The following S1PR2 variants were observed in gnomAD, a reference collection of about 807,000 sequenced individuals.
The protein encoded by S1PR2 is sphingosine 1-phosphate receptor 2.
S1PR2 carries 9 observed loss-of-function variants against 16.1 expected under a neutral mutation model. The ratio of observed to expected loss-of-function variants is 0.56; its 90% confidence interval spans 0.34 to 0.98. S1PR2 has a LOEUF of 0.98. S1PR2 is among the 50% of genes least tolerant of loss of function. The pLI, the probability that S1PR2 is intolerant of heterozygous loss-of-function variation, is 0.02. For synonymous variants in S1PR2, 224 were observed against 233.9 expected (o/e 0.96, Z 0.38); for missense variants, 361 against 488.4 (o/e 0.74, Z 2.46).
intron 1 of S1PR2, among the ~76,000 whole-genome samples, chr19:10,230,132 C>G (rs2039661432): frequency 6.6e-6 from 1 of 152,386 alleles, no homozygotes; most frequent in East Asian, 1.9e-4. Context: ...CCACCATCAA[C>G]CAGGCAAAGC....
intron 1 of S1PR2, among the ~76,000 whole-genome samples, chr19:10,228,885 G>C (rs2039652178): frequency 6.6e-6 from 1 of 152,168 alleles, no homozygotes; most frequent in African/African-American, 2.4e-5. Context: ...GAGAGGGGAA[G>C]GATGGAGGAA....
chr19:10,227,154 G>T (rs1258582954), intron 1 of S1PR2, among the ~76,000 whole-genome samples: 1 of 151,930 alleles, frequency 6.6e-6, no homozygotes, highest in Non-Finnish European at 1.5e-5. Flanking sequence ...CTTTCATGAA[G>T]GGAGAGGAAG....
chr19:10,223,893 A>T lies in S1PR2; in HGVS notation c.1013T>A (p.Met338Lys). The T allele has an allele frequency of 6.3e-7, 1 of 1,580,858 alleles. No homozygotes were observed. The highest frequency in any genetic ancestry group is 8.6e-7 in the Non-Finnish European group (1 of 1,163,872). The change falls in exon 2 of 2, where the codon ATG becomes AAG. Residue 338 changes from methionine (M) to lysine (K), a missense_variant. Physicochemically the swap from Met to Lys is moderately conservative, Grantham distance 95 (BLOSUM62 -1). Coordinates refer to ENST00000646641, the MANE Select transcript of S1PR2 (RefSeq NM_004230.4). Reference protein sequence around the residue: ...LRSSSSLERGMHMPTSPTFLE... With the variant: ...LRSSSSLERGKHMPTSPTFLE... ...AAACGTGGGTGACGTGGGCATGTGC[A>T]TGCCCCTCTCCAGGGAGCTGGAGCT...
In S1PR2 at chr19:10,222,645, G is replaced by A. The variant is rs2039600301; in HGVS notation, c.*1199C>T. The A allele has an allele frequency of 6.6e-6, 1 of 152,328 alleles. No individual in the cohort carries two copies. 9.4% of individuals were successfully genotyped at this position (152,328 alleles called of 1,614,324 possible). ...CCATCCCCTCCCCACCTCCAGCCGTGGTTTCCGGGCCTCAGAGAGACGGGG... is the reference window on the plus strand; with the variant it reads ...CCATCCCCTCCCCACCTCCAGCCGTAGTTTCCGGGCCTCAGAGAGACGGGG... On this transcript the variant is annotated 3_prime_UTR_variant, in exon 2 of 2. Transcript: ENST00000646641.
intron 1 of S1PR2, among the ~76,000 whole-genome samples, chr19:10,225,739 G>A (rs769287892): frequency 7.2e-5 from 11 of 151,950 alleles, no homozygotes; most frequent in Non-Finnish European, 1.3e-4. Flanking sequence ...GGGTCTCACT[G>A]TGTTGTCCAG....
At chr19:10,229,902 G>T (rs935752673) in intron 1 of S1PR2, among the ~76,000 whole-genome samples, 1 of 152,084 alleles carries the variant, frequency 6.6e-6, no homozygotes, top group Admixed American at 6.6e-5. Flanking sequence ...CCTAAGGCCA[G>T]GGAGCAAGTC....
chr19:10,224,397 C>T lies in S1PR2; in HGVS notation c.509G>A (p.Trp170Ter). The part of the protein sequence containing the change: ...LVLGGLPILG[W>*]NCLGHLEACS... Reference sequence around the variant, plus strand: ...GGCCTCGAGGTGGCCCAGGCAGTTCCAGCCAAGGATGGGCAGGCCACCGAG... The same window carrying T: ...GGCCTCGAGGTGGCCCAGGCAGTTCTAGCCAAGGATGGGCAGGCCACCGAG... Residue 170 changes from tryptophan (W) to a stop codon, truncating the protein, a stop_gained, in exon 2 of 2, where the codon TGG becomes TAG. Transcript: ENST00000646641. LOFTEE classifies it high-confidence loss of function. 1 of 1,613,824 alleles carries T rather than the reference C, an allele frequency of 6.2e-7. No individual in the cohort carries two copies.
Position 10,223,703 on chromosome 19 carries a change from GGT to G in S1PR2, c.*139_*140del. On this transcript the variant is annotated 3_prime_UTR_variant, in exon 2 of 2. Coordinates refer to ENST00000646641, the MANE Select transcript of S1PR2 (RefSeq NM_004230.4). ...GTCAGTGCCTTATCTGGCCTTTCCAGGTGTGAAATATTTGCAACATCACCCAG... is the reference window on the plus strand; with the variant it reads ...GTCAGTGCCTTATCTGGCCTTTCCAGGTGAAATATTTGCAACATCACCCAG... The G allele has an allele frequency of 1.3e-6, 1 of 781,792 alleles. No homozygotes were observed. The highest frequency in any genetic ancestry group is 2.0e-6 in the Non-Finnish European group (1 of 495,764). The allele number at this position is 781,792 out of a possible 1,614,324, so 48.4% of individuals were successfully genotyped here. A position where few individuals can be genotyped will look rare whatever the true frequency, so the allele number is the denominator to read the frequency against.
At position 10,224,451 on chromosome 19, in the gene S1PR2, A is replaced by G. The variant is rs778208496; in HGVS notation, c.455T>C (p.Ile152Thr). 4 of 1,613,764 alleles carry G rather than the reference A, an allele frequency of 2.5e-6. No individual in the cohort carries two copies. ...SDKSCRMLLL[I>T]GASWLISLVL... ...CAGCGAGATGAGCCACGAGGCCCCG[A>G]TGAGCAGAAGCATGCGGCAGCTCTT... Residue 152 changes from isoleucine to threonine, a missense_variant, in exon 2 of 2, where the codon ATC becomes ACC. Ile to Thr is a moderately conservative substitution (Grantham distance 89). Coordinates refer to ENST00000646641, the MANE Select transcript of S1PR2 (RefSeq NM_004230.4).
intron 1 of S1PR2, among the ~76,000 whole-genome samples, chr19:10,230,870 C>G (rs941596476): frequency 6.6e-5 from 10 of 152,210 alleles, no homozygotes; most frequent in East Asian, 5.8e-4. Context: ...GTGTTGCCCC[C>G]CCCCAAACAC....
chr19:10,228,763 A>G (rs1004367444), intron 1 of S1PR2, among the ~76,000 whole-genome samples: 1 of 152,218 alleles, frequency 6.6e-6, no homozygotes, highest in Admixed American at 6.5e-5. Flanking sequence ...GAAAGAGGCC[A>G]CTGGGCTCAC....
In S1PR2 at chr19:10,223,916, G is replaced by A. The variant is rs2039610657; in HGVS notation, c.990C>T (p.Ser330=). 6.9e-6 allele frequency: 11 copies of A among 1,601,112 alleles called. No homozygotes were observed. The highest frequency in any genetic ancestry group is 9.4e-6 in the Non-Finnish European group (11 of 1,173,336). ...TPGHHLLPLR[S]SSSLERGMHM... is the part of the protein sequence containing the mutation. ...GCATGCCCCTCTCCAGGGAGCTGGA[G>A]CTGCGGAGTGGCAGGAGGTGGTGGC... Residue 330 remains serine, a synonymous_variant, in exon 2 of 2, where the codon AGC becomes AGT. Coordinates refer to ENST00000646641, the MANE Select transcript of S1PR2 (RefSeq NM_004230.4).
chr19:10,230,009 A>T (rs1481400092), intron 1 of S1PR2, among the ~76,000 whole-genome samples: 1 of 152,104 alleles, frequency 6.6e-6, no homozygotes, highest in African/African-American at 2.4e-5. Flanking sequence ...ACCAATGAAC[A>T]AAGGAGACCC....
Position 10,224,167 on chromosome 19 carries a change from G to T in S1PR2, c.739C>A (p.Leu247Met), listed in dbSNP as rs779462145. Reference protein sequence around the residue: ...IVLGVFIVCWLPAFSILLLDY... With the variant: ...IVLGVFIVCWMPAFSILLLDY... Reference sequence around the variant, plus strand: ...AGAAGGAGGATGCTGAAGGCGGGCAGCCAGCAGACGATAAAGACGCCTAGC... The same window carrying T: ...AGAAGGAGGATGCTGAAGGCGGGCATCCAGCAGACGATAAAGACGCCTAGC... Residue 247 changes from leucine (L) to methionine (M), a missense_variant, in exon 2 of 2, where the codon CTG becomes ATG. By Grantham distance (15) the Leu-to-Met change is conservative (BLOSUM62 2). Transcript: ENST00000646641. 1 of 1,608,170 alleles carries T rather than the reference G, an allele frequency of 6.2e-7. No homozygotes were observed.
Position 10,223,991 on chromosome 19 carries a change from G to C in S1PR2, c.915C>G (p.Cys305Trp), listed in dbSNP as rs748826184. 4.3e-6 allele frequency: 7 copies of C among 1,611,366 alleles called. No homozygotes were observed. In the East Asian group the frequency reaches 1.3e-4, roughly 31 times the overall value. The change falls in exon 2 of 2, where the codon TGC (cysteine) becomes TGG (tryptophan). Residue 305 changes from cysteine (C) to tryptophan (W), a missense_variant. Transcript: ENST00000646641. ...LRREVLRPLQ[C>W]WRPGVGVQGR... is the part of the protein sequence containing the mutation. The stretch of plus-strand genomic sequence containing the variant: ...CTTGCACCCCCACCCCCGGCCTCCA[G>C]CACTGCAGCGGCCGAAGCACCTCCC...
Position 10,231,224 on chromosome 19 carries a change from C to G in S1PR2, c.-63G>C, listed in dbSNP as rs1458149648. ...CTCACCTGGCTAGGCCGGCCCGGCT[C>G]CCGGCCCTGGCCGGAGGGGCCTTGG... On this transcript the variant is annotated 5_prime_UTR_variant, in exon 1 of 2. Coordinates refer to ENST00000646641, the MANE Select transcript of S1PR2 (RefSeq NM_004230.4). 6.6e-6 allele frequency: 1 copy of G among 152,360 alleles called. No individual in the cohort carries two copies. The highest frequency in any genetic ancestry group is 1.5e-5 in the Non-Finnish European group (1 of 68,164). 9.4% of individuals were successfully genotyped at this position (152,360 alleles called of 1,614,324 possible).
chr19:10,230,616 C>A, intron 1 of S1PR2: 1 of 153,130 alleles, frequency 6.5e-6, no homozygotes, highest in East Asian at 1.9e-4. Flanking sequence ...GCGCCTTCAC[C>A]CACGACCCAT....
At chr19:10,228,138 CAAAAAAAA>C (rs141807915) in intron 1 of S1PR2, among the ~76,000 whole-genome samples, 1 of 97,650 alleles carries the variant, frequency 1.0e-5, no homozygotes, top group South Asian at 3.6e-4. Context: ...CCCCTCTACT[CAAAAAAAA>C]AAAAAAAAAA....
chr19:10,224,409 GGCAGGCCACCGAGGA>G lies in S1PR2; in HGVS notation c.482_496del (p.Val161_Pro166delinsAla). 6.2e-7 allele frequency: 1 copy of G among 1,613,802 alleles called. No homozygotes were observed. Among genetic ancestry groups the G allele is most frequent in the Non-Finnish European group, 8.5e-7 (1 of 1,180,018 alleles). ...GCCCAGGCAGTTCCAGCCAAGGATG[GGCAGGCCACCGAGGA>G]CCAGCGAGATGAGCCACGAGGCCCC... On this transcript the variant is annotated inframe_deletion, in exon 2 of 2. Transcript: ENST00000646641.
Sources: allele counts gnomAD v4.1 joint callset (sites outside exome capture counted in the v4.1 genomes callset), GRCh38; gene constraint gnomAD v4.1.1; transcripts MANE v1.5; gene names NCBI Gene and HGNC (gene_info 2026-07-23, HGNC 2026-07-21).